The following LTBP1 variants were observed in gnomAD, a reference collection of about 807,000 sequenced individuals.
LTBP1 encodes latent transforming growth factor beta binding protein 1.
In LTBP1, 129 loss-of-function variants were observed where a neutral mutation model predicts 207.6. The observed-to-expected ratio is 0.62, with a 90% CI of 0.54 to 0.72. LTBP1 has a LOEUF of 0.72. Ranked by LOEUF, LTBP1 falls within the 30% of genes least tolerant of loss-of-function variation. The pLI is 0.00. For synonymous variants in LTBP1, 963 were observed against 833.7 expected (o/e 1.16, Z -2.67); for missense variants, 2,281 against 2,217.2 (o/e 1.03, Z -0.58).
chr2:33,202,765 A>G (rs1472878732), intron 7 of LTBP1, among the ~76,000 whole-genome samples: 1 of 152,246 alleles, frequency 6.6e-6, no homozygotes, highest in South Asian at 2.1e-4. Flanking sequence ...GCCTAAGGCC[A>G]CATGCCCTTA....
chr2:33,069,901 C>A (rs762929957), intron 3 of LTBP1, among the ~76,000 whole-genome samples: 2 of 152,182 alleles, frequency 1.3e-5, no homozygotes, highest in African/African-American at 4.8e-5. Context: ...CTGAGGGAGA[C>A]CCTGTGGGTA....
intron 22 of LTBP1, among the ~76,000 whole-genome samples, chr2:33,302,078 G>A (rs2093997391): frequency 6.6e-6 from 1 of 152,206 alleles, no homozygotes; most frequent in Admixed American, 6.5e-5. Context: ...ATTTCTGAAA[G>A]ATATCCCACA....
chr2:33,127,229 T>G (rs2081483506), intron 4 of LTBP1, among the ~76,000 whole-genome samples: 1 of 151,942 alleles, frequency 6.6e-6, no homozygotes, highest in South Asian at 2.1e-4. Context: ...GTCTTTTGAC[T>G]CTTTTTTTTT....
chr2:33,251,752 A>G (rs2092693104), intron 10 of LTBP1, among the ~76,000 whole-genome samples: 1 of 151,410 alleles, frequency 6.6e-6, no homozygotes, highest in Non-Finnish European at 1.5e-5. Flanking sequence ...GTGATATGAT[A>G]GAGAAGAGCT....
chr2:33,165,835 A>C (rs1013076093), intron 5 of LTBP1, among the ~76,000 whole-genome samples: 1 of 152,234 alleles, frequency 6.6e-6, no homozygotes, highest in Non-Finnish European at 1.5e-5. Context: ...GTACAGTTTT[A>C]GAAGTGAATT....
chr2:33,173,630 A>G (rs1572975473), intron 5 of LTBP1, among the ~76,000 whole-genome samples: 1 of 42,154 alleles, frequency 2.4e-5, no homozygotes, highest in East Asian at 5.3e-4. Context: ...ATGGAAAAAG[A>G]GGGAATCCTC....
chr2:33,293,268 A>G lies in LTBP1; in HGVS notation c.3221A>G (p.His1074Arg). 6.2e-7 allele frequency: 1 copy of G among 1,613,462 alleles called. No homozygotes were observed. Among genetic ancestry groups the G allele is most frequent in the Non-Finnish European group, 8.5e-7 (1 of 1,179,842 alleles). ...CHKGYTRTPD[H>R]KHCRDIDECQ... ...AAAGGCTATACCCGGACTCCGGACC[A>G]CAAGCACTGTAGAGGTAAATACTGT... Residue 1074 changes from histidine (H) to arginine (R), a missense_variant, in exon 20 of 34, where the codon CAC (histidine) becomes CGC (arginine). By Grantham distance (29) the His-to-Arg change is conservative. Transcript: ENST00000404816.
At chr2:33,267,536 G>T (rs1309858845) in intron 15 of LTBP1, among the ~76,000 whole-genome samples, 2 of 152,166 alleles carry the variant, frequency 1.3e-5, no homozygotes, top group African/African-American at 2.4e-5. Context: ...AGACTGCTTT[G>T]TGCTGCAAAG....
chr2:33,076,395 A>T (rs538965769), intron 3 of LTBP1, among the ~76,000 whole-genome samples: 50 of 152,258 alleles, frequency 3.3e-4, no homozygotes, highest in African/African-American at 1.1e-3. Context: ...AGGAAGGATT[A>T]ATCTCATCTT....
rs561628829 is a variant in LTBP1, at chr2:33,263,500, A to G, written c.2617+108A>G. On this transcript the variant is annotated intron_variant, in intron 15 of 33. Coordinates refer to ENST00000404816, the MANE Select transcript of LTBP1 (RefSeq NM_206943.4). ...AAGCTTGCTCATGGCAGGGTTAGCC[A>G]TACTAGCAAATATTTGGAAATCATC... 41 of 679,758 alleles carry G rather than the reference A, an allele frequency of 6.0e-5. No homozygotes were observed. The African/African-American group carries it at 6.7e-4, about 11-fold the overall frequency. The allele number at this position is 679,758 out of a possible 1,614,324, so 42.1% of individuals were successfully genotyped here.
At chr2:33,390,120 G>C (rs2095302849) in intron 32 of LTBP1, among the ~76,000 whole-genome samples, 1 of 152,146 alleles carries the variant, frequency 6.6e-6, no homozygotes, top group Admixed American at 6.5e-5. Flanking sequence ...GGTAAGAGAA[G>C]AATTGCCCTT....
chr2:33,246,534 G>C (rs991872386), intron 10 of LTBP1, among the ~76,000 whole-genome samples: 3 of 152,030 alleles, frequency 2.0e-5, no homozygotes, highest in Admixed American at 2.0e-4. Context: ...GTTGCTAAAT[G>C]TTTGCTCTGG....
intron 4 of LTBP1, among the ~76,000 whole-genome samples, chr2:33,128,934 T>C (rs898770180): frequency 6.6e-6 from 1 of 152,206 alleles, no homozygotes; most frequent in African/African-American, 2.4e-5. Flanking sequence ...GTAGGTTCTC[T>C]TAACATTCAG....
chr2:33,239,363 G>C (rs528399149), intron 9 of LTBP1, among the ~76,000 whole-genome samples: 5 of 152,192 alleles, frequency 3.3e-5, no homozygotes, highest in African/African-American at 1.2e-4. Context: ...GCTGTATGTG[G>C]GTGCTGAGCC....
rs1688820192 is a variant in LTBP1 at position 33,019,313 on chromosome 2, GT to G, written c.566-1595del. Among the ~76,000 whole-genome samples the G allele has an allele frequency of 2.1e-5, 3 of 146,084 alleles. No homozygotes were observed. In the Admixed American group the frequency reaches 2.1e-4, roughly 10 times the overall value. ...ACATTACATAATAAAACTTAAGTCA[GT>G]AGCATGTACACTTCTTTTTTTTTTT... On this transcript the variant is annotated intron_variant, in intron 2 of 33. Transcript: ENST00000404816.
intron 24 of LTBP1, among the ~76,000 whole-genome samples, chr2:33,327,570 TA>T (rs1170649948): frequency 1.3e-5 from 2 of 152,174 alleles, no homozygotes; most frequent in Non-Finnish European, 1.5e-5. Flanking sequence ...ATTCCTATTT[TA>T]AAAAAAGTAG....
At chr2:32,995,449 C>G (rs905276314) in intron 2 of LTBP1, among the ~76,000 whole-genome samples, 4 of 152,046 alleles carry the variant, frequency 2.6e-5, no homozygotes, top group African/African-American at 9.7e-5. Context: ...GTGGTTGTGT[C>G]CAACTCCAGG....
At chr2:33,352,970 CTTTTTTTTTTTTTT>C (rs61357622) in intron 26 of LTBP1, among the ~76,000 whole-genome samples, 1 of 93,214 alleles carries the variant, frequency 1.1e-5, no homozygotes, top group Non-Finnish European at 2.0e-5. Flanking sequence ...GTAAGCCTTT[CTTTTTTTTTTTTTT>C]TTTTTTTTTT....
At chr2:33,249,381 G>C (rs1267520712) in intron 10 of LTBP1, among the ~76,000 whole-genome samples, 2 of 144,346 alleles carry the variant, frequency 1.4e-5, no homozygotes, top group Admixed American at 1.4e-4. Flanking sequence ...ACAACCTCCA[G>C]CATAAATGGG....
Sources: gnomAD v4.1 joint callset for allele counts (sites outside exome capture counted in the v4.1 genomes callset) on GRCh38, gnomAD v4.1.1 for gene constraint, MANE v1.5 for transcripts, NCBI Gene and HGNC (gene_info 2026-07-23, HGNC 2026-07-21) for gene names.